FRAS1: variants seen among roughly 807,000 people sequenced by gnomAD.
FRAS1 encodes the protein Fraser extracellular matrix complex subunit 1.
Under a neutral mutation model 435.2 loss-of-function variants are expected in FRAS1, and 290 were observed. That is an observed-to-expected ratio of 0.67 (90% CI 0.61 to 0.73). FRAS1 has a LOEUF of 0.73. FRAS1 is among the 30% of genes least tolerant of loss of function. The probability of loss-of-function intolerance (pLI) is 0.00; values close to 1 mark genes in which losing one functional copy is unlikely to be tolerated. For missense variants in FRAS1, 4,860 were observed against 5,001.5 expected (o/e 0.97, Z 0.85); for synonymous variants, 1,800 against 1,851.0 (o/e 0.97, Z 0.71).
intron 25 of FRAS1, 29 bp from the exon 26 acceptor site, chr4:78,375,710 G>T: frequency 6.5e-7 from 1 of 1,531,198 alleles, no homozygotes; most frequent in East Asian, 2.4e-5. Context: ...CCTTGATTGA[G>T]CCTCATTTAG....
At chr4:78,252,293 T>A in intron 4 of FRAS1, 99 bp from the exon 5 acceptor site, 1 of 1,203,810 alleles carries the variant, frequency 8.3e-7, no homozygotes, top group Non-Finnish European at 1.2e-6. Flanking sequence ...CTGAGCTCCA[T>A]CCTTAATTTG....
At chr4:78,474,974 T>A (rs1037308305) in intron 53 of FRAS1, among the ~76,000 whole-genome samples, 1 of 152,230 alleles carries the variant, frequency 6.6e-6, no homozygotes, top group African/African-American at 2.4e-5. Flanking sequence ...TTTTCTTACC[T>A]CTGCTTCTGC....
intron 20 of FRAS1, among the ~76,000 whole-genome samples, chr4:78,347,980 A>ACATGGTAAGAGTGATGCTCATGAC (rs74926675): frequency 3.8e-5 from 2 of 51,952 alleles, no homozygotes; most frequent in Admixed American, 1.6e-4. Context: ...GCTTCAAGAT[A>ACATGGTAAGAGTGATGCTCATGAC]GGGGAGGAGC....
In FRAS1 at chr4:78,478,006, G is replaced by A. The variant is rs373000760; in HGVS notation, c.8043G>A (p.Lys2681=). ...EDEPTLEFDK[K]IYWVNESAGF... is the part of the protein sequence containing the mutation. ...AACCCACATTAGAGTTTGACAAGAA[G>A]ATCTACTGGGTTAACGAGAGCGCTG... The change falls in exon 55 of 74, where the codon AAG becomes AAA. Residue 2681 remains lysine, a synonymous_variant. Coordinates refer to ENST00000512123, the MANE Select transcript of FRAS1 (RefSeq NM_025074.7). 6 of 1,607,018 alleles carry A rather than the reference G, an allele frequency of 3.7e-6. No individual in the cohort carries two copies. The African/African-American group carries it at 5.3e-5, about 14-fold the overall frequency.
chr4:78,460,810 A>G (rs900716245), intron 47 of FRAS1, among the ~76,000 whole-genome samples: 4 of 152,244 alleles, frequency 2.6e-5, no homozygotes, highest in Admixed American at 6.5e-5. Flanking sequence ...TAGTATTATA[A>G]TTTTATGGGA....
chr4:78,474,333 TG>T (rs1719799372), intron 53 of FRAS1, among the ~76,000 whole-genome samples: 3 of 152,206 alleles, frequency 2.0e-5, no homozygotes, highest in Non-Finnish European at 2.9e-5. Context: ...ATAATTTATG[TG>T]GGGGAAATAT....
At chr4:78,181,763 G>A (rs1722013570) in intron 2 of FRAS1, 15 of 1,610,302 alleles carry the variant, frequency 9.3e-6, no homozygotes, top group African/African-American at 5.4e-5. Flanking sequence ...GGGCGGCTGC[G>A]TCTCCTCTTT....
intron 5 of FRAS1, among the ~76,000 whole-genome samples, chr4:78,252,924 A>C (rs1725611305): frequency 2.0e-5 from 3 of 152,194 alleles, no homozygotes; most frequent in Non-Finnish European, 1.5e-5. Flanking sequence ...CTGTGCACGT[A>C]TTGTCTTGAT....
chr4:78,392,931 C>T (rs1732508756), intron 29 of FRAS1, among the ~76,000 whole-genome samples: 1 of 151,594 alleles, frequency 6.6e-6, no homozygotes, highest in African/African-American at 2.4e-5. Flanking sequence ...CTTGAATCTT[C>T]CCTGGATCCT....
At chr4:78,274,373 C>T (rs1480545866) in intron 9 of FRAS1, among the ~76,000 whole-genome samples, 1 of 152,166 alleles carries the variant, frequency 6.6e-6, no homozygotes, top group Non-Finnish European at 1.5e-5. Flanking sequence ...AATGTGTTTG[C>T]TCTTGCTTCT....
chr4:78,282,603 A>G (rs1727381973), intron 11 of FRAS1, among the ~76,000 whole-genome samples: 1 of 21,864 alleles, frequency 4.6e-5, no homozygotes. Flanking sequence ...CTGGTTCTCT[A>G]CATTGAAGTA....
intron 40 of FRAS1, among the ~76,000 whole-genome samples, 159 bp downstream of exon 40, chr4:78,439,223 T>C (rs1279379510): frequency 1.3e-5 from 2 of 152,242 alleles, no homozygotes; most frequent in Non-Finnish European, 2.9e-5. Flanking sequence ...TCATGAGTGT[T>C]TTTTTAAGTA....
chr4:78,422,443 A>T (rs1006282963), intron 34 of FRAS1, among the ~76,000 whole-genome samples: 5 of 152,218 alleles, frequency 3.3e-5, no homozygotes, highest in Admixed American at 2.6e-4. Context: ...AGACTGACCT[A>T]GACTGAGAGC....
intron 4 of FRAS1, among the ~76,000 whole-genome samples, chr4:78,249,295 C>A: frequency 7.4e-6 from 1 of 135,016 alleles, no homozygotes. Context: ...GGACTTTCTT[C>A]TGTGGCTTTG....
At chr4:78,236,120 G>A (rs1002451008) in intron 2 of FRAS1, among the ~76,000 whole-genome samples, 7 of 152,176 alleles carry the variant, frequency 4.6e-5, no homozygotes, top group African/African-American at 1.7e-4. Flanking sequence ...AAAAGTCAGA[G>A]AAGAGTAGAA....
At chr4:78,213,730 A>G (rs996448485) in intron 2 of FRAS1, among the ~76,000 whole-genome samples, 3 of 152,176 alleles carry the variant, frequency 2.0e-5, no homozygotes, top group African/African-American at 7.2e-5. Flanking sequence ...AGTTGCCCAA[A>G]ATGGCTTTAA....
chr4:78,118,608 C>T (rs544648950), intron 2 of FRAS1, among the ~76,000 whole-genome samples: 1 of 152,190 alleles, frequency 6.6e-6, no homozygotes, highest in Non-Finnish European at 1.5e-5. Flanking sequence ...GGGCATAGGA[C>T]CCTCAGATCC....
At chr4:78,374,766 C>CA (rs1297133337) in intron 25 of FRAS1, among the ~76,000 whole-genome samples, 2 of 152,160 alleles carry the variant, frequency 1.3e-5, no homozygotes, top group African/African-American at 4.8e-5. Flanking sequence ...AGTTTGTTCT[C>CA]ATCATATCTA....
intron 70 of FRAS1, among the ~76,000 whole-genome samples, chr4:78,532,539 A>T (rs570752922): frequency 2.0e-4 from 31 of 152,154 alleles, no homozygotes; most frequent in Non-Finnish European, 2.8e-4. Context: ...AGTACCTGAA[A>T]TCTACTCTCT....
Sources: allele counts gnomAD v4.1 joint callset (sites outside exome capture counted in the v4.1 genomes callset), GRCh38; gene constraint gnomAD v4.1.1; transcripts MANE v1.5; gene names NCBI Gene and HGNC (gene_info 2026-07-23, HGNC 2026-07-21).